SYBU: variants seen among roughly 807,000 people sequenced by gnomAD.
SYBU encodes the protein syntabulin.
In SYBU, 21 loss-of-function variants were observed where a neutral mutation model predicts 35.9. The observed-to-expected ratio is 0.58, with a 90% CI of 0.41 to 0.84. The LOEUF (loss-of-function observed/expected upper bound fraction) is 0.84, where lower values mean the gene tolerates loss of function less well. SYBU is among the 40% of genes least tolerant of loss of function. The pLI is 0.00. For missense variants in SYBU, 768 were observed against 848.2 expected, an observed-to-expected ratio of 0.91 and a Z score of 1.17; for synonymous variants, 319 against 324.3, an observed-to-expected ratio of 0.98 and a Z score of 0.18.
rs1187531539 is a variant in SYBU, at chr8:109,680,766, T to C, written c.-184A>G. On this transcript the variant is annotated 5_prime_UTR_variant, in exon 1 of 6. Transcript: ENST00000408889. ...CTGGCTCAGCCAAATAGAAAGAACA[T>C]ATAAAGCTTCAGTTCTGGAGTCAAG... 3 of 152,282 alleles carry C rather than the reference T, an allele frequency of 2.0e-5. No individual in the cohort carries two copies. In the South Asian group the frequency reaches 6.2e-4, roughly 32 times the overall value. The allele number at this position is 152,282 out of a possible 1,614,324, so 9.4% of individuals were successfully genotyped here.
At chr8:109,626,738 A>T (rs1010513289) in intron 2 of SYBU, among the ~76,000 whole-genome samples, 2 of 152,078 alleles carry the variant, frequency 1.3e-5, no homozygotes, top group African/African-American at 4.8e-5. Context: ...GGTGAAACCT[A>T]GTCTCTACAA....
At chr8:109,596,071 G>A (rs1445353642) in intron 3 of SYBU, among the ~76,000 whole-genome samples, 5 of 152,132 alleles carry the variant, frequency 3.3e-5, no homozygotes, top group Non-Finnish European at 5.9e-5. Flanking sequence ...CTACTGATCC[G>A]TGCCCTTCTT....
chr8:109,600,040 C>T (rs1825341777), intron 3 of SYBU, among the ~76,000 whole-genome samples: 1 of 151,986 alleles, frequency 6.6e-6, no homozygotes, highest in African/African-American at 2.4e-5. Flanking sequence ...ATTAGGTGGC[C>T]CTCCTTTATC....
At chr8:109,660,956 A>C (rs148815633) in intron 1 of SYBU, among the ~76,000 whole-genome samples, 120 of 152,334 alleles carry the variant, frequency 7.9e-4, no homozygotes, top group African/African-American at 2.6e-3. Flanking sequence ...AGAAATTCTC[A>C]GTGTCATACC....
chr8:109,596,627 C>A (rs1824912919), intron 3 of SYBU, among the ~76,000 whole-genome samples: 1 of 152,154 alleles, frequency 6.6e-6, no homozygotes, highest in African/African-American at 2.4e-5. Context: ...TCTTTTGGGA[C>A]AATTTTCATT....
At position 109,642,907 on chromosome 8, in the gene SYBU, T is replaced by C. The variant is rs1815083091; in HGVS notation, c.50A>G (p.Asp17Gly). 6.3e-7 allele frequency: 1 copy of C among 1,582,898 alleles called. No homozygotes were observed. Among genetic ancestry groups the C allele is most frequent in the East Asian group, 2.3e-5 (1 of 43,842 alleles). The change falls in exon 2 of 7, where the codon GAC becomes GGC. Residue 17 changes from aspartate (D) to glycine (G), a missense_variant. Transcript: ENST00000276646. ...AATTCGGCTTCGAGAAATCTCCTTG[T>C]CATGATGCTGCACTCTGTGCTCCTT... is the stretch of plus-strand genomic sequence containing the variant. ...SKKEHRVQHH[D>G]KEISRSRIPR...
chr8:109,646,597 C>A (rs1029776284), upstream of SYBU: 1 of 152,158 alleles, frequency 6.6e-6, no homozygotes, highest in Non-Finnish European at 1.5e-5. Flanking sequence ...AAGTGATGGT[C>A]CAGGATGATT....
intron 1 of SYBU, among the ~76,000 whole-genome samples, chr8:109,655,006 G>A (rs563858567): frequency 6.6e-6 from 1 of 152,296 alleles, no homozygotes; most frequent in South Asian, 2.1e-4. Context: ...TTAAAGTGCA[G>A]ATCTGATCAT....
intron 1 of SYBU, among the ~76,000 whole-genome samples, chr8:109,687,261 C>T (rs1377279213): frequency 2.6e-5 from 4 of 152,108 alleles, no homozygotes; most frequent in African/African-American, 9.7e-5. Flanking sequence ...TCTAGTGACT[C>T]GTTTGCTTCT....
At chr8:109,581,605 G>A (rs1823039640) in intron 4 of SYBU, among the ~76,000 whole-genome samples, 1 of 152,186 alleles carries the variant, frequency 6.6e-6, no homozygotes, top group African/African-American at 2.4e-5. Context: ...GGCAAAAAAA[G>A]AGAAAACAAG....
intron 1 of SYBU, 130 bp downstream of exon 1, chr8:109,644,506 C>G: frequency 9.1e-7 from 1 of 1,101,142 alleles, no homozygotes; most frequent in Non-Finnish European, 1.3e-6. Context: ...TCTCCAGACC[C>G]CACCACCACC....
chr8:109,663,574 C>A (rs952143587), intron 1 of SYBU, among the ~76,000 whole-genome samples: 2 of 152,034 alleles, frequency 1.3e-5, no homozygotes, highest in Non-Finnish European at 2.9e-5. Flanking sequence ...TACAACCATG[C>A]CAATATTTGA....
chr8:109,633,746 AT>A (rs1813893673), intron 2 of SYBU, among the ~76,000 whole-genome samples: 1 of 151,890 alleles, frequency 6.6e-6, no homozygotes, highest in African/African-American at 2.4e-5. Flanking sequence ...TATTATTATT[AT>A]TTTTGAGACA....
At chr8:109,623,040 C>T (rs899454933) in intron 2 of SYBU, among the ~76,000 whole-genome samples, 1 of 152,058 alleles carries the variant, frequency 6.6e-6, no homozygotes, top group Non-Finnish European at 1.5e-5. Context: ...CGCACACACA[C>T]ACACACACAA....
chr8:109,671,000 T>C (rs748671063), intron 1 of SYBU, among the ~76,000 whole-genome samples: 12 of 152,322 alleles, frequency 7.9e-5, no homozygotes, highest in Middle Eastern at 3.4e-3. Context: ...ATTGGTTCTT[T>C]TTAAAAGACA....
At position 109,629,039 on chromosome 8, in the gene SYBU, A is replaced by G. The variant is rs371386411; in HGVS notation, c.230-10000T>C. The stretch of plus-strand genomic sequence containing the variant: ...ATTCCAGATACAGAGAAATAAGTAC[A>G]AAAAGCTCTGAGATAGGCAGGAATA... On this transcript the variant is annotated intron_variant, in intron 2 of 6. Transcript: ENST00000276646. Among the ~76,000 whole-genome samples the G allele has an allele frequency of 5.3e-5, 8 of 152,286 alleles. No homozygotes were observed. The East Asian group carries it at 9.7e-4, about 18-fold the overall frequency.
rs367695798 is a variant in SYBU, at chr8:109,614,708, G to A, written c.427+4134C>T. On this transcript the variant is annotated intron_variant, in intron 3 of 6. Transcript: ENST00000276646. ...TTAGGCTCTGCAGATTCAGCCTTGC[G>A]TGTTTTGCAGAGTTGTAGATAAAAG... Among the ~76,000 whole-genome samples, 100 of 152,338 alleles carry A rather than the reference G, an allele frequency of 6.6e-4. No individual in the cohort carries two copies. In the East Asian group the frequency reaches 7.9e-3, roughly 12 times the overall value.
chr8:109,610,583 T>C (rs186224229), intron 3 of SYBU, among the ~76,000 whole-genome samples: 35 of 152,360 alleles, frequency 2.3e-4, no homozygotes, highest in Admixed American at 5.9e-4. Context: ...GGCATTCATA[T>C]AGCTTACTTG....
At chr8:109,618,793 A>G in intron 3 of SYBU, 49 bp downstream of exon 3, 1 of 1,537,634 alleles carries the variant, frequency 6.5e-7, no homozygotes, top group South Asian at 1.1e-5. Context: ...ACATGAAACT[A>G]CTCCCATCAC....
Sources: allele counts gnomAD v4.1 joint callset (sites outside exome capture counted in the v4.1 genomes callset), GRCh38; gene constraint gnomAD v4.1.1; transcripts MANE v1.5; gene names NCBI Gene and HGNC (gene_info 2026-07-23, HGNC 2026-07-21).